The following CATSPERT variants were observed in gnomAD, a reference collection of about 807,000 sequenced individuals.
CATSPERT encodes cation channel sperm-associated targeting subunit tau.
the CATSPERT span, among the ~76,000 whole-genome samples, chr2:201,572,468 G>T: frequency 6.6e-6 from 1 of 152,084 alleles, no homozygotes; most frequent in East Asian, 1.9e-4. Context: ...TTTTTATTTT[G>T]AACTTTTATT....
the CATSPERT span, chr2:201,491,146 A>G: frequency 1.3e-6 from 2 of 1,503,918 alleles, no homozygotes. Context: ...ACAGAAGTAG[A>G]AGACTTAGAA....
the CATSPERT span, among the ~76,000 whole-genome samples, chr2:201,590,219 A>G: frequency 6.7e-6 from 1 of 149,870 alleles, no homozygotes; most frequent in African/African-American, 2.5e-5. Flanking sequence ...CCCACCTATG[A>G]GTGAGAATAT....
chr2:201,595,478 G>C, the CATSPERT span, among the ~76,000 whole-genome samples: 1 of 152,034 alleles, frequency 6.6e-6, no homozygotes, highest in Non-Finnish European at 1.5e-5. Flanking sequence ...GTGAGCCACC[G>C]CGCCCGGCCT....
At chr2:201,542,516 ATCCTTGCCAACAC>A in the CATSPERT span, among the ~76,000 whole-genome samples, 1 of 152,122 alleles carries the variant, frequency 6.6e-6, no homozygotes. Flanking sequence ...ATTTCTTCAC[ATCCTTGCCAACAC>A]TTGTTGACTT....
chr2:201,492,384 A>G, the CATSPERT span: 2 of 1,534,368 alleles, frequency 1.3e-6, no homozygotes, highest in Middle Eastern at 1.7e-4. Flanking sequence ...TGCTTAAATC[A>G]GCTTTTAGAT....
chr2:201,535,845 G>A, the CATSPERT span: 1 of 1,475,470 alleles, frequency 6.8e-7, no homozygotes, highest in Non-Finnish European at 8.9e-7. Context: ...TTGAGCTCAA[G>A]GCCTTCTTTT....
chr2:201,517,896 A>G, the CATSPERT span, among the ~76,000 whole-genome samples: 1 of 152,258 alleles, frequency 6.6e-6, no homozygotes, highest in Non-Finnish European at 1.5e-5. Context: ...TCTTGCTACT[A>G]GTTACTCAAG....
chr2:201,509,231 A>G, the CATSPERT span, among the ~76,000 whole-genome samples: 1 of 150,530 alleles, frequency 6.6e-6, no homozygotes, highest in Admixed American at 6.6e-5. Context: ...TTTGATTGGC[A>G]TTTGTCTTAT....
the CATSPERT span, among the ~76,000 whole-genome samples, chr2:201,518,127 A>T: frequency 1.3e-5 from 2 of 152,316 alleles, no homozygotes; most frequent in East Asian, 3.9e-4. Context: ...TCTGTAGGTT[A>T]GCCAAGATTA....
the CATSPERT span, among the ~76,000 whole-genome samples, chr2:201,530,825 G>T: frequency 6.6e-6 from 1 of 152,130 alleles, no homozygotes; most frequent in African/African-American, 2.4e-5. Flanking sequence ...CACCTTCAGA[G>T]TATTAAAATG....
At chr2:201,515,779 G>C in the CATSPERT span, among the ~76,000 whole-genome samples, 1 of 152,194 alleles carries the variant, frequency 6.6e-6, no homozygotes, top group African/African-American at 2.4e-5. Flanking sequence ...AGAGGGCAGA[G>C]GCACTCACTT....
chr2:201,598,497 C>A, the CATSPERT span, among the ~76,000 whole-genome samples: 1 of 152,062 alleles, frequency 6.6e-6, no homozygotes, highest in East Asian at 1.9e-4. Flanking sequence ...GGAGAGACGT[C>A]CCCTCCCAGG....
chr2:201,520,974 A>G, the CATSPERT span, among the ~76,000 whole-genome samples: 8 of 152,148 alleles, frequency 5.3e-5, no homozygotes, highest in African/African-American at 1.4e-4. Flanking sequence ...ATGAACAAGA[A>G]TATACCAATA....
At chr2:201,522,816 T>C in the CATSPERT span, among the ~76,000 whole-genome samples, 1 of 152,162 alleles carries the variant, frequency 6.6e-6, no homozygotes, top group East Asian at 1.9e-4. Context: ...ATTTTGGCTT[T>C]TGTTGACTGT....
the CATSPERT span, chr2:201,604,493 C>T: frequency 2.0e-6 from 1 of 512,722 alleles, no homozygotes; most frequent in Non-Finnish European, 3.3e-6. Flanking sequence ...GTTTTTCTGA[C>T]TCATAAAAAT....
the CATSPERT span, among the ~76,000 whole-genome samples, chr2:201,587,244 GA>G: frequency 2.0e-5 from 3 of 152,006 alleles, no homozygotes; most frequent in African/African-American, 7.2e-5. Context: ...TTGTCTTTTG[GA>G]TAAATTTTTT....
chr2:201,593,664 G>C, the CATSPERT span, among the ~76,000 whole-genome samples: 1 of 150,612 alleles, frequency 6.6e-6, no homozygotes, highest in African/African-American at 2.4e-5. Flanking sequence ...GGGTGCTCTT[G>C]TATTGGGTGC....
chr2:201,518,275 C>T, the CATSPERT span, among the ~76,000 whole-genome samples: 2 of 152,168 alleles, frequency 1.3e-5, no homozygotes, highest in African/African-American at 2.4e-5. Flanking sequence ...AAGGACTGCC[C>T]ATTATGAATC....
At chr2:201,597,459 C>G in the CATSPERT span, among the ~76,000 whole-genome samples, 1 of 152,102 alleles carries the variant, frequency 6.6e-6, no homozygotes, top group Admixed American at 6.5e-5. Context: ...AATTCCAGCC[C>G]CCGTAGGAGC....
Sources: allele counts gnomAD v4.1 joint callset (sites outside exome capture counted in the v4.1 genomes callset), GRCh38; gene constraint gnomAD v4.1.1; transcripts MANE v1.5; gene names NCBI Gene and HGNC (gene_info 2026-07-23, HGNC 2026-07-21).